MCTP1: variants seen among roughly 807,000 people sequenced by gnomAD.
The protein encoded by MCTP1 is multiple C2 and transmembrane domain containing 1, also known as multiple C2 and transmembrane domain-containing protein 1.
In MCTP1, 69 loss-of-function variants were observed where a neutral mutation model predicts 120.6. The observed-to-expected ratio is 0.57, with a 90% CI of 0.47 to 0.70. The LOEUF is 0.70. MCTP1 is among the 30% of genes least tolerant of loss of function. The pLI is 0.00. For missense variants in MCTP1, 1,203 were observed against 1,248.8 expected (o/e 0.96, Z 0.55); for synonymous variants, 529 against 493.1 (o/e 1.07, Z -0.96).
intron 1 of MCTP1, among the ~76,000 whole-genome samples, chr5:95,099,657 A>C (rs1305486503): frequency 1.3e-5 from 2 of 149,798 alleles, no homozygotes; most frequent in Non-Finnish European, 3.0e-5. Flanking sequence ...AAATAGGAAC[A>C]CTTTTACACT....
chr5:94,774,334 A>G (rs1774831988), intron 19 of MCTP1, among the ~76,000 whole-genome samples: 1 of 151,480 alleles, frequency 6.6e-6, no homozygotes, highest in Admixed American at 6.6e-5. Flanking sequence ...GGCCTGGCCT[A>G]ATCAGGTGAG....
chr5:95,096,029 C>A (rs993296596), intron 1 of MCTP1, among the ~76,000 whole-genome samples: 1 of 152,132 alleles, frequency 6.6e-6, no homozygotes, highest in Non-Finnish European at 1.5e-5. Flanking sequence ...AGAGTTAGAA[C>A]TAAGCTAACG....
chr5:94,871,542 C>T (rs1166330557), intron 13 of MCTP1, 125 bp from the exon 14 acceptor site: 1 of 672,176 alleles, frequency 1.5e-6, no homozygotes, highest in African/African-American at 1.8e-5. Flanking sequence ...TATTTGCATA[C>T]ACACATATAC....
At chr5:94,890,724 A>G (rs1357685372) in intron 11 of MCTP1, among the ~76,000 whole-genome samples, 1 of 152,204 alleles carries the variant, frequency 6.6e-6, no homozygotes, top group Non-Finnish European at 1.5e-5. Flanking sequence ...CACTTGAAGG[A>G]ATTAAAAGAG....
chr5:94,792,908 A>C (rs1216207320), intron 18 of MCTP1: 1 of 152,220 alleles, frequency 6.6e-6, no homozygotes, highest in Non-Finnish European at 1.5e-5. Context: ...ACATCCACTT[A>C]AACTGGAATT....
chr5:95,194,140 C>T (rs140222898), intron 1 of MCTP1, among the ~76,000 whole-genome samples: 1,596 of 151,950 alleles, frequency 0.011, 14 homozygotes, highest in Middle Eastern at 0.031. Context: ...AGCTTGAGCC[C>T]AGGAGTCTGA....
intron 18 of MCTP1, among the ~76,000 whole-genome samples, chr5:94,790,415 G>A (rs1357542783): frequency 6.6e-6 from 1 of 152,196 alleles, no homozygotes; most frequent in Non-Finnish European, 1.5e-5. Flanking sequence ...TCCCGTGGCT[G>A]GTTTAAAGAG....
chr5:95,266,932 T>C (rs1758929438), intron 1 of MCTP1, among the ~76,000 whole-genome samples: 1 of 152,246 alleles, frequency 6.6e-6, no homozygotes, highest in Non-Finnish European at 1.5e-5. Flanking sequence ...ATGAAATATT[T>C]TGACATTGCC....
At chr5:95,187,012 TAGTA>T (rs1749279623) in intron 1 of MCTP1, among the ~76,000 whole-genome samples, 2 of 152,196 alleles carry the variant, frequency 1.3e-5, no homozygotes, top group Non-Finnish European at 2.9e-5. Flanking sequence ...GAATGCAAAT[TAGTA>T]CAACTACTAT....
At chr5:95,193,842 T>G (rs776675715) in intron 1 of MCTP1, among the ~76,000 whole-genome samples, 1 of 152,202 alleles carries the variant, frequency 6.6e-6, no homozygotes, top group African/African-American at 2.4e-5. Context: ...TTTTAACTTA[T>G]GTAATTCCTA....
chr5:94,992,714 T>C (rs1324169041), intron 2 of MCTP1, among the ~76,000 whole-genome samples: 17 of 152,180 alleles, frequency 1.1e-4, no homozygotes, highest in Admixed American at 1.1e-3. Context: ...TGGGACTTGC[T>C]GAGAACTCTA....
intron 1 of MCTP1, among the ~76,000 whole-genome samples, chr5:95,225,582 A>G (rs1267155729): frequency 6.6e-6 from 1 of 152,204 alleles, no homozygotes; most frequent in Non-Finnish European, 1.5e-5. Flanking sequence ...TAAGATTCCA[A>G]GAATGGTCAA....
At chr5:95,123,826 T>C (rs1404807093) in intron 1 of MCTP1, among the ~76,000 whole-genome samples, 1 of 152,118 alleles carries the variant, frequency 6.6e-6, no homozygotes, top group Non-Finnish European at 1.5e-5. Context: ...ATTTTCTGTA[T>C]TTTTAATAGA....
intron 3 of MCTP1, among the ~76,000 whole-genome samples, chr5:94,945,213 A>G (rs1404588993): frequency 6.6e-6 from 1 of 152,144 alleles, no homozygotes; most frequent in Non-Finnish European, 1.5e-5. Context: ...CCTTCCCACC[A>G]CTAGTTGGAA....
At chr5:94,920,187 G>A (rs1184059032) in intron 7 of MCTP1, among the ~76,000 whole-genome samples, 4 of 150,900 alleles carry the variant, frequency 2.7e-5, no homozygotes, top group South Asian at 2.1e-4. Context: ...TATTGTAATC[G>A]TTTTGGCTTG....
chr5:94,859,850 T>C (rs1270329118), intron 17 of MCTP1, among the ~76,000 whole-genome samples: 3 of 151,696 alleles, frequency 2.0e-5, no homozygotes, highest in African/African-American at 4.8e-5. Flanking sequence ...TTATTTTAAG[T>C]TCAATCAAAA....
intron 1 of MCTP1, among the ~76,000 whole-genome samples, chr5:95,108,826 C>T (rs1308483882): frequency 6.6e-6 from 1 of 152,170 alleles, no homozygotes. Flanking sequence ...AGAATCCACA[C>T]AGCCTTAAAA....
rs149543766 is a variant in MCTP1 at position 94,995,761 on chromosome 5, A to G, written c.838+21606T>C. ...TGGTTTTTGAGATTAATAGATGCAT[A>G]AAAATTTAGAATAAGGACTTGCAAA... On this transcript the variant is annotated intron_variant, in intron 2 of 22. Transcript: ENST00000515393. Among the ~76,000 whole-genome samples, 1,257 of 152,302 alleles carry G rather than the reference A, an allele frequency of 8.3e-3. 14 individuals carry two copies. Among genetic ancestry groups the G allele is most frequent in the African/African-American group, 0.029 (1,214 of 41,570 alleles).
chr5:95,022,204 A>G (rs1006511208), intron 1 of MCTP1, among the ~76,000 whole-genome samples: 3 of 152,160 alleles, frequency 2.0e-5, no homozygotes, highest in East Asian at 1.9e-4. Context: ...TGCAAAAGCA[A>G]TTGTGGTTTC....
Sources: gnomAD v4.1 joint callset for allele counts (sites outside exome capture counted in the v4.1 genomes callset) on GRCh38, gnomAD v4.1.1 for gene constraint, MANE v1.5 for transcripts, NCBI Gene and HGNC (gene_info 2026-07-23, HGNC 2026-07-21) for gene names.